FAM174A: variants seen among roughly 807,000 people sequenced by gnomAD.
FAM174A encodes the protein family with sequence similarity 174 member A.
A neutral mutation model predicts 14.3 loss-of-function variants in FAM174A; 14 were observed. The ratio of observed to expected loss-of-function variants is 0.98; its 90% CI spans 0.65 to 1.53. The LOEUF (loss-of-function observed/expected upper bound fraction) is 1.53. Among genes scored for constraint, FAM174A ranks in the 40% most tolerant of loss-of-function variants. The pLI, the probability that FAM174A is intolerant of heterozygous loss-of-function variation, is 0.00. For synonymous variants in FAM174A, 108 were observed against 111.4 expected (o/e 0.97, Z 0.19); for missense variants, 241 against 249.6 (o/e 0.97, Z 0.23).
At chr5:100,570,251 AT>A (rs1746752687) in intron 2 of FAM174A, among the ~76,000 whole-genome samples, 1 of 151,710 alleles carries the variant, frequency 6.6e-6, no homozygotes, top group Non-Finnish European at 1.5e-5. Flanking sequence ...TGGCTTAGAC[AT>A]TTTTTTCGGT....
chr5:100,564,538 A>T (rs1424673475), intron 2 of FAM174A, among the ~76,000 whole-genome samples: 3 of 151,922 alleles, frequency 2.0e-5, no homozygotes, highest in Non-Finnish European at 4.4e-5. Flanking sequence ...AATTAAGATT[A>T]TAATAGAAAT....
At chr5:100,581,524 G>C (rs2112406021) in intron 2 of FAM174A, 1 of 263,346 alleles carries the variant, frequency 3.8e-6, no homozygotes, top group South Asian at 1.4e-4. Context: ...AGGCCAAGGT[G>C]GGCGGATCAC....
At chr5:100,551,987 A>G (rs79106316) in intron 1 of FAM174A, among the ~76,000 whole-genome samples, 1 of 152,184 alleles carries the variant, frequency 6.6e-6, no homozygotes. Flanking sequence ...ACTTCAACAT[A>G]TGAATTTTTG....
At position 100,569,655 on chromosome 5, in the gene FAM174A, T is replaced by C. The variant is rs1274921954; in HGVS notation, c.569+7467T>C. 6.6e-5 allele frequency among the ~76,000 whole-genome samples: 10 copies of C among 151,886 alleles called. No individual in the cohort carries two copies. In the East Asian group the frequency reaches 1.5e-3, roughly 23 times the overall value. On this transcript the variant is annotated intron_variant, in intron 2 of 2. Transcript: ENST00000312637. Reference sequence around the variant, plus strand: ...TGAGAAATTGAAGGTGCCTATAAGATGATATCCTACTGGGCAGAGCAAATT... The same window carrying C: ...TGAGAAATTGAAGGTGCCTATAAGACGATATCCTACTGGGCAGAGCAAATT...
At chr5:100,565,248 A>G (rs961433567) in intron 2 of FAM174A, among the ~76,000 whole-genome samples, 1 of 151,854 alleles carries the variant, frequency 6.6e-6, no homozygotes. Flanking sequence ...AGGTTGAAAG[A>G]AAAAAAGCCA....
At chr5:100,546,850 A>G (rs1158837476) in intron 1 of FAM174A, among the ~76,000 whole-genome samples, 1 of 152,128 alleles carries the variant, frequency 6.6e-6, no homozygotes, top group Non-Finnish European at 1.5e-5. Context: ...TCGACTGCTT[A>G]CTGTGTATAT....
At chr5:100,572,545 T>G (rs1466151381) in intron 2 of FAM174A, among the ~76,000 whole-genome samples, 1 of 151,828 alleles carries the variant, frequency 6.6e-6, no homozygotes, top group East Asian at 1.9e-4. Flanking sequence ...AATGATGATT[T>G]CCAATTTCAT....
At chr5:100,537,477 A>G (rs1242288442) in intron 1 of FAM174A, among the ~76,000 whole-genome samples, 1 of 152,198 alleles carries the variant, frequency 6.6e-6, no homozygotes, top group Non-Finnish European at 1.5e-5. Flanking sequence ...TTAATATGGT[A>G]AAGTTGATAT....
chr5:100,559,416 T>C (rs936968489), intron 1 of FAM174A, among the ~76,000 whole-genome samples: 1 of 152,108 alleles, frequency 6.6e-6, no homozygotes, highest in Non-Finnish European at 1.5e-5. Flanking sequence ...GTTATGTGTC[T>C]TGGAGTTGCT....
At chr5:100,584,577 T>C (rs1007463792) in intron 2 of FAM174A, among the ~76,000 whole-genome samples, 8 of 152,220 alleles carry the variant, frequency 5.3e-5, no homozygotes, top group African/African-American at 1.9e-4. Context: ...TCCACCTTCC[T>C]GTTGCTTTAG....
chr5:100,546,626 T>C (rs1746168952), intron 1 of FAM174A, among the ~76,000 whole-genome samples: 1 of 152,218 alleles, frequency 6.6e-6, no homozygotes, highest in Non-Finnish European at 1.5e-5. Context: ...AACAAATTTC[T>C]ATTGAGCCTG....
At chr5:100,568,138 A>C (rs1032186692) in intron 2 of FAM174A, among the ~76,000 whole-genome samples, 1 of 151,942 alleles carries the variant, frequency 6.6e-6, no homozygotes, top group South Asian at 2.1e-4. Context: ...ATCTATCATC[A>C]ATATGTAATG....
intron 1 of FAM174A, among the ~76,000 whole-genome samples, chr5:100,546,793 G>A (rs775638925): frequency 4.6e-5 from 7 of 152,086 alleles, no homozygotes; most frequent in Non-Finnish European, 1.0e-4. Flanking sequence ...AACAGTCAAC[G>A]AAATGCATCT....
intron 2 of FAM174A, among the ~76,000 whole-genome samples, chr5:100,574,329 C>G (rs1213945058): frequency 6.6e-6 from 1 of 152,008 alleles, no homozygotes; most frequent in Non-Finnish European, 1.5e-5. Flanking sequence ...GCTGGGATTA[C>G]AGATGTGCCC....
rs867595674 is a variant in FAM174A, at chr5:100,555,607, G to T, written c.435-6447G>T. Among the ~76,000 whole-genome samples, 79 of 151,896 alleles carry T rather than the reference G, an allele frequency of 5.2e-4. No individual in the cohort carries two copies. The Middle Eastern group carries it at 0.014, about 26-fold the overall frequency. ...TAGCACCTGTTGTTTCCTGACTTTT[G>T]AATGATCGCCATTCTAACTGGTGTG... On this transcript the variant is annotated intron_variant, in intron 1 of 2. Coordinates refer to ENST00000312637, the MANE Select transcript of FAM174A (RefSeq NM_198507.3).
At chr5:100,557,509 T>A (rs1262815638) in intron 1 of FAM174A, among the ~76,000 whole-genome samples, 1 of 152,200 alleles carries the variant, frequency 6.6e-6, no homozygotes, top group Non-Finnish European at 1.5e-5. Context: ...TCAGAAGGAA[T>A]GGTATCAGCT....
intron 1 of FAM174A, among the ~76,000 whole-genome samples, chr5:100,551,123 A>G (rs1746254055): frequency 6.6e-6 from 1 of 152,186 alleles, no homozygotes; most frequent in East Asian, 1.9e-4. Context: ...AAGAGATGAT[A>G]GGATAGCAGT....
intron 1 of FAM174A, among the ~76,000 whole-genome samples, chr5:100,559,923 C>T (rs550168193): frequency 3.3e-5 from 5 of 151,688 alleles, no homozygotes; most frequent in Admixed American, 1.3e-4. Context: ...GTAGTTTGAT[C>T]GTCTGAAGCC....
chr5:100,551,010 G>A (rs1001072237), intron 1 of FAM174A, among the ~76,000 whole-genome samples: 4 of 152,120 alleles, frequency 2.6e-5, no homozygotes, highest in African/African-American at 9.7e-5. Flanking sequence ...TTAATGTTGA[G>A]TAATAGGAAA....
Sources: gnomAD v4.1 joint callset for allele counts (sites outside exome capture counted in the v4.1 genomes callset) on GRCh38, gnomAD v4.1.1 for gene constraint, MANE v1.5 for transcripts, NCBI Gene and HGNC (gene_info 2026-07-23, HGNC 2026-07-21) for gene names.